Variants in TSHZ2 observed in about 807,000 individuals in gnomAD.
TSHZ2 encodes the protein teashirt zinc finger homeobox 2.
In TSHZ2, 21 loss-of-function variants were observed where a neutral mutation model predicts 74.4. That is an observed-to-expected ratio of 0.28 (90% CI 0.20 to 0.41). The LOEUF (loss-of-function observed/expected upper bound fraction) is 0.41, where lower values mean the gene tolerates loss of function less well. Among genes scored for constraint, TSHZ2 ranks in the 10% least tolerant of loss-of-function variants. TSHZ2 has a pLI of 1.00. For missense variants in TSHZ2, 1,244 were observed against 1,293.5 expected, an observed-to-expected ratio of 0.96 and a Z score of 0.59; for synonymous variants, 540 against 515.3, an observed-to-expected ratio of 1.05 and a Z score of -0.65.
At chr20:53,355,797 G>C (rs894757906) in intron 2 of TSHZ2, among the ~76,000 whole-genome samples, 3 of 152,132 alleles carry the variant, frequency 2.0e-5, no homozygotes, top group African/African-American at 7.2e-5. Context: ...CAAAAAGAAG[G>C]ATGAAAGAAT....
chr20:53,010,573 A>G (rs1173237372), intron 1 of TSHZ2, among the ~76,000 whole-genome samples: 1 of 152,096 alleles, frequency 6.6e-6, no homozygotes, highest in East Asian at 1.9e-4. Flanking sequence ...GGCCAACTAG[A>G]TTGGAAACAA....
Position 53,488,837 on chromosome 20 carries a change from A to T in TSHZ2, c.*1702A>T. 6 of 281,232 alleles carry T rather than the reference A, an allele frequency of 2.1e-5. No homozygotes were observed. The highest frequency in any genetic ancestry group is 9.6e-5 in the Admixed American group (2 of 20,862). 17.4% of individuals were successfully genotyped at this position (281,232 alleles called of 1,614,324 possible). A position where few individuals can be genotyped will look rare whatever the true frequency, so the allele number is the denominator to read the frequency against. ...ATCCCTAAATTCAACATTGGGATTAAAAAAAAAAAAAAACTTCTTATTTAC... is the reference window on the plus strand; with the variant it reads ...ATCCCTAAATTCAACATTGGGATTATAAAAAAAAAAAAACTTCTTATTTAC... On this transcript the variant is annotated 3_prime_UTR_variant, in exon 3 of 3. Transcript: ENST00000371497.
intron 1 of TSHZ2, among the ~76,000 whole-genome samples, chr20:52,993,378 A>T (rs915491432): frequency 1.3e-5 from 2 of 152,220 alleles, no homozygotes; most frequent in East Asian, 1.9e-4. Context: ...TTAGCAGAAC[A>T]TTTAAGGAAT....
intron 1 of TSHZ2, among the ~76,000 whole-genome samples, chr20:53,042,512 GTTA>G (rs1388572082): frequency 6.6e-6 from 1 of 151,986 alleles, no homozygotes; most frequent in African/African-American, 2.4e-5. Flanking sequence ...TACTATTATT[GTTA>G]TTATGGATGA....
chr20:53,237,809 T>C (rs2123686652), intron 1 of TSHZ2, among the ~76,000 whole-genome samples: 1 of 152,278 alleles, frequency 6.6e-6, no homozygotes, highest in East Asian at 1.9e-4. Context: ...ACCAGCTCTA[T>C]CTATCGTCTC....
At chr20:53,381,753 A>G (rs1345547765) in intron 2 of TSHZ2, among the ~76,000 whole-genome samples, 2 of 152,078 alleles carry the variant, frequency 1.3e-5, no homozygotes, top group Admixed American at 6.5e-5. Context: ...TCTGGTCCTC[A>G]GTGTTCATTT....
At chr20:53,067,334 C>A (rs192742852) in intron 1 of TSHZ2, among the ~76,000 whole-genome samples, 2 of 152,206 alleles carry the variant, frequency 1.3e-5, no homozygotes, top group African/African-American at 2.4e-5. Context: ...ATGTAAAAAG[C>A]AATTATAATT....
At chr20:53,269,054 T>C (rs1990775942) in intron 2 of TSHZ2, among the ~76,000 whole-genome samples, 1 of 152,102 alleles carries the variant, frequency 6.6e-6, no homozygotes, top group African/African-American at 2.4e-5. Context: ...TGGCACAAAT[T>C]GGATGGCAGC....
At chr20:53,043,567 A>G (rs564510276) in intron 1 of TSHZ2, among the ~76,000 whole-genome samples, 12 of 152,178 alleles carry the variant, frequency 7.9e-5, no homozygotes, top group Non-Finnish European at 1.6e-4. Context: ...TCTCTGAAAC[A>G]TAGTCTCCAT....
chr20:53,059,981 G>T (rs1360396873), intron 1 of TSHZ2, among the ~76,000 whole-genome samples: 1 of 152,182 alleles, frequency 6.6e-6, no homozygotes, highest in Non-Finnish European at 1.5e-5. Context: ...AAGGCCGAGG[G>T]TTTGTATTGT....
rs3042187 is a variant in TSHZ2, at chr20:53,396,847, G to GAAA, written c.*9-90283_*9-90281dup. Among the ~76,000 whole-genome samples the GAAA allele has an allele frequency of 2.1e-3, 250 of 116,662 alleles. 4 individuals carry two copies. The highest frequency in any genetic ancestry group is 6.4e-3 in the African/African-American group (213 of 33,068). The allele number at this position is 116,662 out of a possible 152,430, so 76.5% of individuals were successfully genotyped here. ...AGTCTGAGTGACACAGCAATACCCT[G>GAAA]AAAAAAAAAAAAAAAACAGAGAGAG... On this transcript the variant is annotated intron_variant, in intron 2 of 2. Transcript: ENST00000371497.
intron 2 of TSHZ2, among the ~76,000 whole-genome samples, chr20:53,484,401 T>C (rs1164105937): frequency 1.0e-4 from 14 of 133,902 alleles, no homozygotes; most frequent in East Asian, 2.4e-4. Context: ...TTTTTTTTTT[T>C]TTAAGACAGA....
chr20:53,471,770 C>T (rs1244209573), intron 2 of TSHZ2, among the ~76,000 whole-genome samples: 4 of 145,396 alleles, frequency 2.8e-5, no homozygotes, highest in African/African-American at 5.1e-5. Flanking sequence ...ACAAGTTTGT[C>T]TTTTTTCTAA....
intron 1 of TSHZ2, among the ~76,000 whole-genome samples, chr20:53,130,414 C>T (rs912492909): frequency 3.9e-5 from 6 of 152,138 alleles, no homozygotes; most frequent in Non-Finnish European, 8.8e-5. Flanking sequence ...CACTTCAGGC[C>T]AGGAGTTCAA....
At position 53,254,518 on chromosome 20, in the gene TSHZ2, T is replaced by C. The variant is rs775406611; in HGVS notation, c.1060T>C (p.Leu354=). The change falls in exon 2 of 3, where the codon TTG becomes CTG. Residue 354 remains leucine (L), a synonymous_variant. Coordinates refer to ENST00000371497, the MANE Select transcript of TSHZ2 (RefSeq NM_173485.6). Reference sequence around the variant, plus strand: ...TTCTCAGAAGAACGCCAACTTGCAGTTGTCCTCCAACAACCGCTATGGCTA... The same window carrying C: ...TTCTCAGAAGAACGCCAACTTGCAGCTGTCCTCCAACAACCGCTATGGCTA... ...FSSQKNANLQ[L]SSNNRYGYQN... The C allele has an allele frequency of 1.2e-6, 2 of 1,614,140 alleles. No individual in the cohort carries two copies. The highest frequency in any genetic ancestry group is 1.7e-5 in the Admixed American group (1 of 60,020).
chr20:53,276,740 C>T (rs950083399), intron 2 of TSHZ2, among the ~76,000 whole-genome samples: 1 of 152,144 alleles, frequency 6.6e-6, no homozygotes. Context: ...CAGGGTGGAG[C>T]GAGACCTTGT....
chr20:53,319,327 C>T (rs1261867150), intron 2 of TSHZ2, among the ~76,000 whole-genome samples: 2 of 152,184 alleles, frequency 1.3e-5, no homozygotes, highest in East Asian at 3.8e-4. Flanking sequence ...GCATTATCTC[C>T]AGTACTTTGT....
At chr20:53,431,107 G>T (rs1421208854) in intron 2 of TSHZ2, among the ~76,000 whole-genome samples, 2 of 152,052 alleles carry the variant, frequency 1.3e-5, no homozygotes, top group African/African-American at 4.8e-5. Flanking sequence ...ACATGAGATG[G>T]ACTTGTCCAA....
chr20:53,087,707 G>C (rs6097219), intron 1 of TSHZ2, among the ~76,000 whole-genome samples: 31 of 152,308 alleles, frequency 2.0e-4, no homozygotes, highest in Admixed American at 2.0e-3. Context: ...GGTGTCTTCA[G>C]GCTATTTAGA....
Sources: allele counts gnomAD v4.1 joint callset (sites outside exome capture counted in the v4.1 genomes callset), GRCh38; gene constraint gnomAD v4.1.1; transcripts MANE v1.5; gene names NCBI Gene and HGNC (gene_info 2026-07-23, HGNC 2026-07-21).